NXPE2: variants seen among roughly 807,000 people sequenced by gnomAD.
NXPE2 encodes neurexophilin and PC-esterase domain family member 2.
A neutral mutation model predicts 34.4 loss-of-function variants in NXPE2; 34 were observed. The observed-to-expected ratio is 0.99, with a 90% CI of 0.75 to 1.31. The LOEUF (loss-of-function observed/expected upper bound fraction) is 1.31. NXPE2 is among the 40% of genes most tolerant of loss of function. The pLI is 0.00. For missense variants in NXPE2, 649 were observed against 672.5 expected, an observed-to-expected ratio of 0.97 and a Z score of 0.39; for synonymous variants, 235 against 231.3, an observed-to-expected ratio of 1.02 and a Z score of -0.15.
chr11:114,598,598 G>A, the NXPE2 span, among the ~76,000 whole-genome samples: 2 of 152,146 alleles, frequency 1.3e-5, no homozygotes, highest in South Asian at 2.1e-4. Flanking sequence ...AGGCTTAATA[G>A]CCTGTGGAAG....
the NXPE2 span, among the ~76,000 whole-genome samples, chr11:114,590,871 C>T: frequency 6.6e-6 from 1 of 152,164 alleles, no homozygotes; most frequent in African/African-American, 2.4e-5. Context: ...TTATGGGGAA[C>T]CTTTGGCTAA....
the NXPE2 span, chr11:114,581,682 G>A: frequency 1.4e-6 from 2 of 1,443,990 alleles, no homozygotes; most frequent in African/African-American, 1.4e-5. Context: ...CCTTTAAATG[G>A]GTCTAGAACT....
chr11:114,781,318 C>T, the NXPE2 span, among the ~76,000 whole-genome samples: 1 of 152,168 alleles, frequency 6.6e-6, no homozygotes, highest in Non-Finnish European at 1.5e-5. Flanking sequence ...TTGCTTTTCC[C>T]AAGGACCCTT....
At chr11:114,740,197 C>G in the NXPE2 span, among the ~76,000 whole-genome samples, 1 of 151,914 alleles carries the variant, frequency 6.6e-6, no homozygotes, top group Non-Finnish European at 1.5e-5. Context: ...TTCTCTCTCT[C>G]TATATAAATA....
the NXPE2 span, among the ~76,000 whole-genome samples, chr11:114,471,824 T>TA: frequency 6.6e-6 from 1 of 152,200 alleles, no homozygotes; most frequent in East Asian, 1.9e-4. Flanking sequence ...GCATGATGCC[T>TA]TTGAGGAAAT....
At chr11:114,612,838 G>A in the NXPE2 span, among the ~76,000 whole-genome samples, 12 of 152,022 alleles carry the variant, frequency 7.9e-5, no homozygotes, top group East Asian at 2.1e-3. Flanking sequence ...AGGATAGTAA[G>A]TATTGCCTTG....
At chr11:114,793,186 A>C in the NXPE2 span, among the ~76,000 whole-genome samples, 1 of 152,296 alleles carries the variant, frequency 6.6e-6, no homozygotes, top group African/African-American at 2.4e-5. Context: ...AACATCTCTA[A>C]GTTCAATTTT....
At chr11:114,585,175 A>G in the NXPE2 span, among the ~76,000 whole-genome samples, 3 of 151,674 alleles carry the variant, frequency 2.0e-5, no homozygotes, top group African/African-American at 4.8e-5. Flanking sequence ...ACTGCCTGCC[A>G]TCTGTCTTCC....
At chr11:114,731,013 A>G in the NXPE2 span, among the ~76,000 whole-genome samples, 7 of 151,026 alleles carry the variant, frequency 4.6e-5, no homozygotes, top group Non-Finnish European at 7.4e-5. Context: ...CCTGTTTAGT[A>G]TGTTGTTGGC....
the NXPE2 span, among the ~76,000 whole-genome samples, chr11:114,481,280 A>G: frequency 1.3e-5 from 2 of 152,156 alleles, no homozygotes; most frequent in African/African-American, 4.8e-5. Flanking sequence ...CTGTCCTGAA[A>G]TTTCTATCTC....
the NXPE2 span, among the ~76,000 whole-genome samples, chr11:114,560,763 A>G: frequency 1.3e-5 from 2 of 152,204 alleles, no homozygotes; most frequent in African/African-American, 4.8e-5. Context: ...GTGTATATGA[A>G]TAATTAGGCC....
the NXPE2 span, among the ~76,000 whole-genome samples, chr11:114,664,950 A>T: frequency 2.0e-5 from 3 of 152,158 alleles, no homozygotes; most frequent in African/African-American, 7.2e-5. Flanking sequence ...AGGCTAAGCT[A>T]TGATGTTTGG....
the NXPE2 span, among the ~76,000 whole-genome samples, chr11:114,614,882 T>C: frequency 6.6e-6 from 1 of 151,990 alleles, no homozygotes; most frequent in African/African-American, 2.4e-5. Context: ...CAGTGTATAA[T>C]AGGTATTGCC....
At chr11:114,522,636 C>G in the NXPE2 span, 1 of 767,448 alleles carries the variant, frequency 1.3e-6, no homozygotes, top group South Asian at 2.0e-5. Context: ...CTCTAGGGTA[C>G]AGTACCCCCA....
the NXPE2 span, among the ~76,000 whole-genome samples, chr11:114,669,285 G>C: frequency 6.6e-6 from 1 of 152,040 alleles, no homozygotes; most frequent in East Asian, 1.9e-4. Flanking sequence ...ATCTCAGTTA[G>C]AATGGAAAAA....
chr11:114,482,768 T>C, the NXPE2 span, among the ~76,000 whole-genome samples: 1 of 152,212 alleles, frequency 6.6e-6, no homozygotes, highest in African/African-American at 2.4e-5. Flanking sequence ...GCACTAAGAC[T>C]TTCTCCAACA....
chr11:114,569,969 C>G, the NXPE2 span, among the ~76,000 whole-genome samples: 2 of 152,096 alleles, frequency 1.3e-5, no homozygotes, highest in Non-Finnish European at 2.9e-5. Context: ...GCCTGCTTAC[C>G]TTCCTACATG....
chr11:114,559,721 G>C, the NXPE2 span: 1 of 151,392 alleles, frequency 6.6e-6, no homozygotes, highest in African/African-American at 2.4e-5. Flanking sequence ...CTTTTGCTTT[G>C]TTCTTCCCTG....
At chr11:114,574,985 T>C in the NXPE2 span, among the ~76,000 whole-genome samples, 2 of 152,206 alleles carry the variant, frequency 1.3e-5, no homozygotes, top group East Asian at 3.9e-4. Flanking sequence ...ATCAAAAAGA[T>C]AATCCACCAT....
Sources: allele counts gnomAD v4.1 joint callset (sites outside exome capture counted in the v4.1 genomes callset), GRCh38; gene constraint gnomAD v4.1.1; transcripts MANE v1.5; gene names NCBI Gene and HGNC (gene_info 2026-07-23, HGNC 2026-07-21).